NUP214: variants seen among roughly 807,000 people sequenced by gnomAD.
NUP214 encodes the protein nuclear pore complex protein Nup214.
A neutral mutation model predicts 196.2 loss-of-function variants in NUP214; 79 were observed. That is an observed-to-expected ratio of 0.40 (90% CI 0.34 to 0.49). The LOEUF is 0.49. Among genes scored for constraint, NUP214 ranks in the 20% least tolerant of loss-of-function variants. The pLI is 0.58. For missense variants in NUP214, 2,468 were observed against 2,539.0 expected, an observed-to-expected ratio of 0.97 and a Z score of 0.60; for synonymous variants, 1,020 against 990.5, an observed-to-expected ratio of 1.03 and a Z score of -0.56.
rs1338150752 is a variant in NUP214 at position 131,197,781 on chromosome 9, G to A, written c.4287G>A (p.Gly1429=). 1.9e-6 allele frequency: 3 copies of A among 1,614,148 alleles called. No homozygotes were observed. Among genetic ancestry groups the A allele is most frequent in the African/African-American group, 1.3e-5 (1 of 75,044 alleles). The change falls in exon 29 of 36, where the codon GGG becomes GGA. Residue 1429 remains glycine, a synonymous_variant. Transcript: ENST00000359428. ...CCTCTGGGGTCATCAGTTTTGGTGG[G>A]ACATCTCTAAGTGCTGGCAAGACTA... The part of the protein sequence containing the change: ...AGSSGVISFG[G]TSLSAGKTSF...
chr9:131,150,553 G>A (rs774745741), intron 15 of NUP214, 63 bp from the exon 16 acceptor site: 7 of 1,592,914 alleles, frequency 4.4e-6, no homozygotes, highest in Non-Finnish European at 3.4e-6. Context: ...TAGTAAGCAC[G>A]ATAGCAGTGA....
Position 131,130,889 on chromosome 9 carries a change from G to T in NUP214, c.663+53G>T. ...TTTTCTTAAGTTGCCCACTTTTTTG[G>T]GGGTGGTTTGGGAGTATCTTTCTTG... On this transcript the variant is annotated intron_variant, in intron 5 of 35. Coordinates refer to ENST00000359428, the MANE Select transcript of NUP214 (RefSeq NM_005085.4). 4 of 1,427,416 alleles carry T rather than the reference G, an allele frequency of 2.8e-6. No individual in the cohort carries two copies. The South Asian group carries it at 3.5e-5, about 12-fold the overall frequency. 88.4% of individuals were successfully genotyped at this position (1,427,416 alleles called of 1,614,324 possible).
At position 131,144,558 on chromosome 9, in the gene NUP214, C is replaced by A. The variant is rs1277020274; in HGVS notation, c.1573C>A (p.Pro525Thr). The A allele has an allele frequency of 1.2e-6, 2 of 1,614,130 alleles. No homozygotes were observed. The highest frequency in any genetic ancestry group is 1.7e-6 in the Non-Finnish European group (2 of 1,179,996). ...PGPSTFSFVP[P>T]SKASLAPTPA... ...CCCATCAACCTTCTCTTTTGTTCCC[C>A]CTTCTAAAGCCTCCCTAGCCCCCAC... Residue 525 changes from proline (P) to threonine (T), a missense_variant, in exon 12 of 36, where the codon CCT becomes ACT. Coordinates refer to ENST00000359428, the MANE Select transcript of NUP214 (RefSeq NM_005085.4).
At position 131,198,173 on chromosome 9, in the gene NUP214, T is replaced by C. The variant is rs944251869; in HGVS notation, c.4679T>C (p.Leu1560Pro). ...NSGTAASSTS[L>P]VALSAEATPA... ...GGCACTGCAGCATCTAGTACTAGTC[T>C]TGTAGCACTTTCTGCAGAGGCTACC... The change falls in exon 29 of 36, where the codon CTT becomes CCT. Residue 1560 changes from leucine to proline, a missense_variant. Around this residue, in one of 5 missense-constraint regions of NUP214, gnomAD observed 1,801 missense variants for 1,779.4 expected, o/e 1.01. Transcript: ENST00000359428. 8.1e-6 allele frequency: 13 copies of C among 1,614,098 alleles called. No individual in the cohort carries two copies. The African/African-American group carries it at 1.5e-4, about 18-fold the overall frequency.
chr9:131,196,452 C>T (rs1833793542), intron 28 of NUP214, among the ~76,000 whole-genome samples: 1 of 152,202 alleles, frequency 6.6e-6, no homozygotes, highest in South Asian at 2.1e-4. Flanking sequence ...TGAGCCACCA[C>T]GCCCGGCCTC....
intron 18 of NUP214, among the ~76,000 whole-genome samples, chr9:131,162,644 A>G (rs1444756149): frequency 6.6e-6 from 1 of 152,188 alleles, no homozygotes. Flanking sequence ...AGAAAAACAG[A>G]TAAATTCTAA....
intron 16 of NUP214, among the ~76,000 whole-genome samples, chr9:131,151,314 G>A (rs1832256362): frequency 6.6e-6 from 1 of 152,158 alleles, no homozygotes; most frequent in African/African-American, 2.4e-5. Context: ...TTGCAAGTCA[G>A]GAAACTGAGG....
At chr9:131,220,991 ATTTG>A (rs1488737422) in intron 31 of NUP214, among the ~76,000 whole-genome samples, 1 of 152,214 alleles carries the variant, frequency 6.6e-6, no homozygotes, top group Non-Finnish European at 1.5e-5. Flanking sequence ...TTGCCCTTGA[ATTTG>A]TTTGCTATTT....
At chr9:131,141,190 A>G (rs1334026099) in intron 11 of NUP214, among the ~76,000 whole-genome samples, 1 of 151,850 alleles carries the variant, frequency 6.6e-6, no homozygotes, top group East Asian at 1.9e-4. Context: ...GAGAAAAAAC[A>G]TATACATAGA....
intron 21 of NUP214, among the ~76,000 whole-genome samples, chr9:131,172,758 G>GT (rs1325640981): frequency 6.6e-6 from 1 of 152,124 alleles, no homozygotes; most frequent in Non-Finnish European, 1.5e-5. Flanking sequence ...CATAGCATTG[G>GT]TTTTTAGTGG....
At position 131,159,499 on chromosome 9, in the gene NUP214, T is replaced by C. The variant is rs1333473142; in HGVS notation, c.2540+13T>C. On this transcript the variant is annotated intron_variant, in intron 18 of 35. Transcript: ENST00000359428. The stretch of plus-strand genomic sequence containing the variant: ...AGAAAAAACAAAGGTGAATGAGATC[T>C]CTCATCTGCAATGTGTTGGAATAGA... 7 of 1,567,430 alleles carry C rather than the reference T, an allele frequency of 4.5e-6. No individual in the cohort carries two copies. In the African/African-American group the frequency reaches 5.4e-5, roughly 12 times the overall value.
chr9:131,174,430 CA>C (rs377710898), intron 22 of NUP214, 112 bp downstream of exon 22: 11 of 764,236 alleles, frequency 1.4e-5, no homozygotes, highest in East Asian at 3.4e-5. Context: ...GGCTCCAGCC[CA>C]CTTTTTTTTT....
chr9:131,153,868 G>A (rs1168826582), intron 17 of NUP214, among the ~76,000 whole-genome samples: 1 of 152,232 alleles, frequency 6.6e-6, no homozygotes, highest in African/African-American at 2.4e-5. Context: ...TCCTGCAGTT[G>A]GGTAAGTGAC....
At position 131,125,738 on chromosome 9, in the gene NUP214, C is replaced by T; in HGVS notation, c.34C>T (p.Arg12Trp). 1 of 1,552,196 alleles carries T rather than the reference C, an allele frequency of 6.4e-7. No individual in the cohort carries two copies. Among genetic ancestry groups the T allele is most frequent in the Non-Finnish European group, 8.7e-7 (1 of 1,147,358 alleles). The change falls in exon 1 of 36, where the codon CGG becomes TGG. Residue 12 changes from arginine (R) to tryptophan (W), a missense_variant. This residue lies in a region of NUP214 where 392 missense variants were observed against 417.9 expected (regional missense o/e 0.94). Transcript: ENST00000359428. The surrounding 1 kb of genome is among the most constrained non-coding windows in gnomAD (Gnocchi z 4.1). ...CGAGATGGATGCCATGATTCCCGAG[C>T]GGGAGATGAAGGTCAGAGACTAACC... ...GDEMDAMIPE[R>W]EMKDFQFRAL...
chr9:131,164,145 G>A lies in NUP214; in HGVS notation c.2893+1G>A, dbSNP rs1440425153. 1.2e-6 allele frequency: 2 copies of A among 1,613,864 alleles called. No homozygotes were observed. Among genetic ancestry groups the A allele is most frequent in the Non-Finnish European group, 8.5e-7 (1 of 1,179,904 alleles). On this transcript the variant is annotated splice_donor_variant, in intron 21 of 35. Transcript: ENST00000359428. LOFTEE classifies it high-confidence loss of function. ...CCACCAGTGAGATCCACTGCTCCAG[G>A]TAAAGAGAACCAGTAACTGGGCCTG...
rs1184773529 is a variant in NUP214 at position 131,140,798 on chromosome 9, A to G, written c.1294+88A>G. ...AAGAATGAACATGGTGTGAAGACAC[A>G]TAGTGATTATCTTTACCAGCCTGGT... On this transcript the variant is annotated intron_variant, in intron 11 of 35. Transcript: ENST00000359428. 31 of 1,316,916 alleles carry G rather than the reference A, an allele frequency of 2.4e-5. No homozygotes were observed. The Admixed American group carries it at 4.1e-4, about 18-fold the overall frequency. 81.6% of individuals were successfully genotyped at this position (1,316,916 alleles called of 1,614,324 possible).
intron 30 of NUP214, among the ~76,000 whole-genome samples, chr9:131,210,818 G>A (rs751779101): frequency 6.6e-6 from 1 of 152,240 alleles, no homozygotes; most frequent in East Asian, 1.9e-4. Flanking sequence ...GCATTTCTAC[G>A]ATCTATGCAA....
rs913154466 is a variant in NUP214, at chr9:131,197,831, C to T, written c.4337C>T (p.Thr1446Ile). ...AGTTTTTCATTTGGAAGCCAACAGA[C>T]CAATAGCACAGTGCCCCCATCTGCC... ...KTSFSFGSQQ[T>I]NSTVPPSAPP... is the part of the protein sequence containing the mutation. The change falls in exon 29 of 36, where the codon ACC (threonine) becomes ATC (isoleucine). Residue 1446 changes from threonine (T) to isoleucine (I), a missense_variant. By Grantham distance (89) the Thr-to-Ile change is moderately conservative. Coordinates refer to ENST00000359428, the MANE Select transcript of NUP214 (RefSeq NM_005085.4). 1.9e-6 allele frequency: 3 copies of T among 1,613,500 alleles called. No individual in the cohort carries two copies. Among genetic ancestry groups the T allele is most frequent in the Non-Finnish European group, 2.5e-6 (3 of 1,180,036 alleles).
intron 18 of NUP214, 50 bp from the exon 19 acceptor site, chr9:131,162,940 TC>T: frequency 6.4e-7 from 1 of 1,573,528 alleles, no homozygotes; most frequent in Non-Finnish European, 8.7e-7. Context: ...ACTGGGAGAT[TC>T]CTTTACTTGA....
Sources: gnomAD v4.1 joint callset for allele counts (sites outside exome capture counted in the v4.1 genomes callset) on GRCh38, gnomAD v4.1.1 for gene constraint, gnomAD v4.1.1 regional missense constraint, Gnocchi (gnomAD v3.1) non-coding constraint, MANE v1.5 for transcripts, NCBI Gene and HGNC (gene_info 2026-07-23, HGNC 2026-07-21) for gene names.